FMNL3: variants seen among roughly 807,000 people sequenced by gnomAD.
FMNL3 encodes the protein formin-like protein 3.
FMNL3 carries 57 observed loss-of-function variants against 119.6 expected under a neutral mutation model. The observed-to-expected ratio is 0.48, with a 90% CI of 0.39 to 0.59. The LOEUF is 0.59. Among genes scored for constraint, FMNL3 ranks in the 20% least tolerant of loss-of-function variants. The pLI is 0.00. For missense variants in FMNL3, 1,053 were observed against 1,323.5 expected (o/e 0.80, Z 3.17); for synonymous variants, 491 against 507.3 (o/e 0.97, Z 0.43).
chr12:49,636,765 T>G lies in FMNL3; in HGVS notation c.*9050A>C, dbSNP rs200339348. The G allele has an allele frequency of 6.8e-6, 11 of 1,614,032 alleles. No homozygotes were observed. Among genetic ancestry groups the G allele is most frequent in the Non-Finnish European group, 9.3e-6 (11 of 1,180,022 alleles). On this transcript the variant is annotated 3_prime_UTR_variant, in exon 26 of 26. Transcript: ENST00000335154. ...TCTGTTTTGAGGAGCACATCCGAGC[T>G]TTGGAGAGGGAAGAGGAGGAGGAAC...
At chr12:49,702,263 T>C (rs896628297) in intron 1 of FMNL3, among the ~76,000 whole-genome samples, 1 of 152,126 alleles carries the variant, frequency 6.6e-6, no homozygotes, top group Non-Finnish European at 1.5e-5. Flanking sequence ...CAGTGAGCCA[T>C]GATCATGTCA....
chr12:49,680,247 A>T (rs1293769302), intron 1 of FMNL3, among the ~76,000 whole-genome samples: 1 of 152,224 alleles, frequency 6.6e-6, no homozygotes, highest in Non-Finnish European at 1.5e-5. Flanking sequence ...GCTTATTATA[A>T]AGCCATAAAA....
At position 49,643,079 on chromosome 12, in the gene FMNL3, T is replaced by C; in HGVS notation, c.*2736A>G. ...GGTTGTTTTGGGGAAATAAACACTTTGTTTTCCCCTTACAATATCTCCCTT... is the reference window on the plus strand; with the variant it reads ...GGTTGTTTTGGGGAAATAAACACTTCGTTTTCCCCTTACAATATCTCCCTT... On this transcript the variant is annotated 3_prime_UTR_variant, in exon 26 of 26. Transcript: ENST00000335154. 7.5e-6 allele frequency: 12 copies of C among 1,596,844 alleles called. No individual in the cohort carries two copies. Among genetic ancestry groups the C allele is most frequent in the South Asian group, 1.1e-5 (1 of 90,304 alleles).
intron 1 of FMNL3, among the ~76,000 whole-genome samples, chr12:49,676,996 A>G (rs529437513): frequency 1.3e-5 from 2 of 152,178 alleles, no homozygotes; most frequent in Non-Finnish European, 2.9e-5. Context: ...GGTGAGCAAT[A>G]AAGATTGGGC....
At chr12:49,702,667 G>T (rs1410484568) in intron 1 of FMNL3, among the ~76,000 whole-genome samples, 1 of 151,954 alleles carries the variant, frequency 6.6e-6, no homozygotes, top group Non-Finnish European at 1.5e-5. Flanking sequence ...CCAGACTAAG[G>T]CAGGGTCATA....
At chr12:49,652,339 T>C in intron 13 of FMNL3, 127 bp from the exon 14 acceptor site, 1 of 1,432,464 alleles carries the variant, frequency 7.0e-7, no homozygotes. Flanking sequence ...AGGCTCAGAG[T>C]GGCAGAAACC....
Position 49,649,327 on chromosome 12 carries a change from G to A in FMNL3, c.2317C>T (p.Leu773=). The change falls in exon 20 of 26, where the codon CTG becomes TTG. Residue 773 remains leucine (L), a synonymous_variant. Coordinates refer to ENST00000335154, the MANE Select transcript of FMNL3 (RefSeq NM_175736.5). The surrounding 1 kb of genome is among the most constrained non-coding windows in gnomAD (Gnocchi z 5.6). The part of the protein sequence containing the change: ...LKQMLEIILA[L]GNYMNSSKRG... ...TTGCTGCTGTTCATGTAGTTCCCCA[G>A]TGCAAGTATGATCTGTCCAAAGAAT... The A allele has an allele frequency of 6.2e-7, 1 of 1,614,184 alleles. No individual in the cohort carries two copies. The highest frequency in any genetic ancestry group is 8.5e-7 in the Non-Finnish European group (1 of 1,180,048).
intron 5 of FMNL3, chr12:49,661,728 G>T: frequency 1.9e-6 from 1 of 537,454 alleles, no homozygotes; most frequent in Non-Finnish European, 3.4e-6. Flanking sequence ...CCATCTCTCT[G>T]TCCTGTTCTC....
intron 17 of FMNL3, 61 bp downstream of exon 17, chr12:49,650,615 T>C: frequency 6.3e-7 from 1 of 1,580,262 alleles, no homozygotes. Context: ...CCCAGGCTCC[T>C]GGGTGGAGAA....
chr12:49,660,097 T>A, intron 5 of FMNL3: 2 of 248,150 alleles, frequency 8.1e-6, no homozygotes, highest in Non-Finnish European at 1.3e-5. Context: ...GGGAAACAGC[T>A]TGCTGATTCC....
At chr12:49,658,373 C>T (rs1943635335) in intron 6 of FMNL3, 69 bp downstream of exon 6, 1 of 1,513,310 alleles carries the variant, frequency 6.6e-7, no homozygotes, top group Middle Eastern at 2.2e-4. Context: ...TGAGCACTCA[C>T]TGCTGAACCC....
Position 49,646,935 on chromosome 12 carries a change from G to A in FMNL3, c.2946C>T (p.His982=), listed in dbSNP as rs752198063. The A allele has an allele frequency of 6.2e-7, 1 of 1,614,082 alleles. No homozygotes were observed. The highest frequency in any genetic ancestry group is 8.5e-7 in the Non-Finnish European group (1 of 1,179,976). ...CATCCTTCCCCTCATAAACAGGCCG[G>A]TGTTCCTTGGCCTGGCGCCGCCTCA... ...AELRRRQAKE[H]RPVYEGKDGT... is the part of the protein sequence containing the mutation. The change falls in exon 25 of 26, where the codon CAC becomes CAT. Residue 982 remains histidine (H), a synonymous_variant. Transcript: ENST00000335154.
At chr12:49,681,568 C>T (rs1000599434) in intron 1 of FMNL3, among the ~76,000 whole-genome samples, 3 of 151,806 alleles carry the variant, frequency 2.0e-5, no homozygotes, top group Non-Finnish European at 2.9e-5. Flanking sequence ...TTACTTTTCA[C>T]GAGACAGTCA....
chr12:49,668,941 G>A (rs527256483), intron 1 of FMNL3, among the ~76,000 whole-genome samples: 23 of 152,138 alleles, frequency 1.5e-4, no homozygotes, highest in Non-Finnish European at 3.1e-4. Flanking sequence ...AAAATGTGAC[G>A]GGAACATGAG....
chr12:49,641,222 T>C lies in FMNL3; in HGVS notation c.*4593A>G, dbSNP rs1942601541. ...CTGGCCTGTGGACATGTTTTTAGTA[T>C]TGGTGGGGAGCTGCACACCTGGTGG... On this transcript the variant is annotated 3_prime_UTR_variant, in exon 26 of 26. Transcript: ENST00000335154. 1.3e-5 allele frequency: 2 copies of C among 152,238 alleles called. No individual in the cohort carries two copies. The highest frequency in any genetic ancestry group is 2.9e-5 in the Non-Finnish European group (2 of 68,066). 9.4% of individuals were successfully genotyped at this position (152,238 alleles called of 1,614,324 possible). A position where few individuals can be genotyped will look rare whatever the true frequency, so the allele number is the denominator to read the frequency against.
chr12:49,682,526 T>G (rs1406356141), intron 1 of FMNL3, among the ~76,000 whole-genome samples: 1 of 152,132 alleles, frequency 6.6e-6, no homozygotes, highest in Non-Finnish European at 1.5e-5. Context: ...TTTTTTATTT[T>G]GGTTGAGACA....
chr12:49,666,823 T>C (rs1252027003), intron 2 of FMNL3, among the ~76,000 whole-genome samples: 8 of 151,768 alleles, frequency 5.3e-5, no homozygotes, highest in Admixed American at 4.6e-4. Context: ...AAAGATATGA[T>C]TGGGAAATGC....
Position 49,643,035 on chromosome 12 carries a change from G to A in FMNL3, c.*2780C>T. The A allele has an allele frequency of 2.5e-6, 4 of 1,612,212 alleles. No individual in the cohort carries two copies. The highest frequency in any genetic ancestry group is 2.2e-5 in the South Asian group (2 of 90,900). On this transcript the variant is annotated 3_prime_UTR_variant, in exon 26 of 26. Transcript: ENST00000335154. ...ACCCTCAGTGAGTAAGCGTGTAGAA[G>A]GGACATGGGGTGAAGCTGGGTTGTT...
Position 49,636,731 on chromosome 12 carries a change from A to G in FMNL3, c.*9084T>C. On this transcript the variant is annotated 3_prime_UTR_variant, in exon 26 of 26. Coordinates refer to ENST00000335154, the MANE Select transcript of FMNL3 (RefSeq NM_175736.5). ...CTGTCTTTAGACATGGACAAGGAAG[A>G]TGCACTGATCTGTTTTGAGGAGCAC... 1 of 1,614,208 alleles carries G rather than the reference A, an allele frequency of 6.2e-7. No homozygotes were observed. The highest frequency in any genetic ancestry group is 8.5e-7 in the Non-Finnish European group (1 of 1,180,036).
Sources: gnomAD v4.1 joint callset for allele counts (sites outside exome capture counted in the v4.1 genomes callset) on GRCh38, gnomAD v4.1.1 for gene constraint, Gnocchi (gnomAD v3.1) non-coding constraint, MANE v1.5 for transcripts, NCBI Gene and HGNC (gene_info 2026-07-23, HGNC 2026-07-21) for gene names.